PTPRD: variants seen among roughly 807,000 people sequenced by gnomAD.
The protein encoded by PTPRD is protein tyrosine phosphatase receptor type D.
Under a neutral mutation model 214.5 loss-of-function variants are expected in PTPRD, and 34 were observed. The observed-to-expected ratio is 0.16, with a 90% CI of 0.12 to 0.21. PTPRD has a LOEUF of 0.21. Among genes scored for constraint, PTPRD ranks in the 10% least tolerant of loss-of-function variants. The pLI is 1.00. For missense variants in PTPRD, 2,545 were observed against 2,398.7 expected (o/e 1.06, Z -1.27); for synonymous variants, 1,128 against 845.7 (o/e 1.33, Z -5.79).
intron 11 of PTPRD, among the ~76,000 whole-genome samples, chr9:8,864,592 G>C (rs1372559548): frequency 6.6e-6 from 1 of 152,202 alleles, no homozygotes; most frequent in Non-Finnish European, 1.5e-5. Context: ...CAGGGTTTCA[G>C]AGGATGGTTT....
intron 10 of PTPRD, among the ~76,000 whole-genome samples, chr9:9,041,804 G>A (rs1385425989): frequency 6.6e-6 from 1 of 152,140 alleles, no homozygotes; most frequent in East Asian, 1.9e-4. Flanking sequence ...CGAGCTGGAA[G>A]GAACAACTAG....
At chr9:9,526,238 T>C (rs895760016) in intron 8 of PTPRD, among the ~76,000 whole-genome samples, 2 of 152,210 alleles carry the variant, frequency 1.3e-5, no homozygotes, top group African/African-American at 4.8e-5. Context: ...GTATGCAGCC[T>C]ACTGATGATG....
chr9:8,794,047 T>C (rs1202664102), intron 11 of PTPRD, among the ~76,000 whole-genome samples: 1 of 152,224 alleles, frequency 6.6e-6, no homozygotes, highest in Non-Finnish European at 1.5e-5. Context: ...ACTGCAGTTG[T>C]CACATTATCA....
intron 30 of PTPRD, among the ~76,000 whole-genome samples, chr9:8,476,105 G>C (rs1000918440): frequency 6.6e-5 from 10 of 152,118 alleles, no homozygotes; most frequent in Admixed American, 6.5e-4. Context: ...ATTTACCCTA[G>C]TCCAGTGGTT....
intron 9 of PTPRD, among the ~76,000 whole-genome samples, chr9:9,324,050 T>G (rs1301703524): frequency 6.6e-6 from 1 of 152,202 alleles, no homozygotes; most frequent in Non-Finnish European, 1.5e-5. Context: ...TAGTATTCCA[T>G]GTAGTATATG....
intron 39 of PTPRD, among the ~76,000 whole-genome samples, chr9:8,356,641 T>C (rs958085125): frequency 1.3e-5 from 2 of 152,230 alleles, no homozygotes; most frequent in Non-Finnish European, 2.9e-5. Flanking sequence ...TCTAGATTCC[T>C]TTCTTTGGTA....
intron 8 of PTPRD, among the ~76,000 whole-genome samples, chr9:9,571,618 G>A (rs982318464): frequency 1.3e-5 from 2 of 150,740 alleles, no homozygotes; most frequent in Non-Finnish European, 3.0e-5. Context: ...ATTCATTTAG[G>A]CTTAAAGTAA....
intron 12 of PTPRD, among the ~76,000 whole-genome samples, chr9:8,686,993 G>A (rs2097693490): frequency 6.6e-6 from 1 of 152,168 alleles, no homozygotes; most frequent in Admixed American, 6.5e-5. Context: ...AGAAGAGCCT[G>A]TGTAACATTG....
intron 8 of PTPRD, among the ~76,000 whole-genome samples, chr9:9,525,692 A>G (rs533897211): frequency 6.6e-6 from 1 of 152,262 alleles, no homozygotes; most frequent in East Asian, 1.9e-4. Flanking sequence ...TTCTATAGTA[A>G]ATAATAAAAA....
At chr9:9,333,288 A>C (rs2043024024) in intron 9 of PTPRD, among the ~76,000 whole-genome samples, 2 of 151,672 alleles carry the variant, frequency 1.3e-5, no homozygotes, top group African/African-American at 4.8e-5. Context: ...AGAAAGGCAG[A>C]AAGAAGGCAC....
intron 11 of PTPRD, among the ~76,000 whole-genome samples, chr9:8,778,290 G>C (rs2154492164): frequency 6.6e-6 from 1 of 152,284 alleles, no homozygotes; most frequent in East Asian, 1.9e-4. Flanking sequence ...CTTAAAACTT[G>C]AGATAATTGC....
intron 2 of PTPRD, among the ~76,000 whole-genome samples, chr9:10,422,654 A>T (rs1319930710): frequency 6.6e-6 from 1 of 152,104 alleles, no homozygotes; most frequent in African/African-American, 2.4e-5. Flanking sequence ...GGATATGAAC[A>T]CACACTTCTG....
intron 9 of PTPRD, among the ~76,000 whole-genome samples, chr9:9,311,676 C>G (rs1959049084): frequency 6.6e-6 from 1 of 152,166 alleles, no homozygotes; most frequent in Admixed American, 6.6e-5. Context: ...TCCTCTCTGA[C>G]AACCAAATCG....
chr9:9,727,246 T>A (rs1297756871), intron 7 of PTPRD, among the ~76,000 whole-genome samples: 1 of 152,066 alleles, frequency 6.6e-6, no homozygotes, highest in Non-Finnish European at 1.5e-5. Context: ...GTCCAGGAAT[T>A]CAAGACCAGC....
At position 8,341,997 on chromosome 9, in the gene PTPRD, A is replaced by T. The variant is rs747615819; in HGVS notation, c.4662-19T>A. 6.4e-7 allele frequency: 1 copy of T among 1,572,138 alleles called. No individual in the cohort carries two copies. The highest frequency in any genetic ancestry group is 8.6e-7 in the Non-Finnish European group (1 of 1,164,020). On this transcript the variant is annotated intron_variant, in intron 39 of 45. Coordinates refer to ENST00000381196, the MANE Select transcript of PTPRD (RefSeq NM_002839.4). ...TCCCGCACTATGAGGAAAATAGAGA[A>T]GAAAAGCCCAAATAAACCTATCAGA...
intron 8 of PTPRD, among the ~76,000 whole-genome samples, chr9:9,511,281 G>T (rs1460472927): frequency 1.3e-5 from 2 of 151,626 alleles, no homozygotes; most frequent in African/African-American, 4.8e-5. Context: ...CACTAAACAG[G>T]TATTGACAAA....
At chr9:9,198,631 G>C (rs185802232) in intron 9 of PTPRD, among the ~76,000 whole-genome samples, 3 of 152,082 alleles carry the variant, frequency 2.0e-5, no homozygotes, top group African/African-American at 7.2e-5. Context: ...CTGGATTACC[G>C]AGGAACATCA....
rs34103777 is a variant in PTPRD, at chr9:9,376,051, G to T, written c.-203+21398C>A. 3.4e-3 allele frequency among the ~76,000 whole-genome samples: 510 copies of T among 151,462 alleles called. 1 individual carries two copies. Among genetic ancestry groups the T allele is most frequent in the Non-Finnish European group, 5.7e-3 (386 of 67,946 alleles). Reference sequence around the variant, plus strand: ...TTAAGACATTTTCATAATATAAAGCGCAAGAAAATGAGAACTTGCTCATCA... The same window carrying T: ...TTAAGACATTTTCATAATATAAAGCTCAAGAAAATGAGAACTTGCTCATCA... On this transcript the variant is annotated intron_variant, in intron 9 of 45. Coordinates refer to ENST00000381196, the MANE Select transcript of PTPRD (RefSeq NM_002839.4).
intron 2 of PTPRD, among the ~76,000 whole-genome samples, chr9:10,581,845 T>A (rs893333261): frequency 6.6e-6 from 1 of 152,178 alleles, no homozygotes; most frequent in Admixed American, 6.5e-5. Flanking sequence ...ATGCTTTAAA[T>A]ACAGGTTCTT....
Sources: gnomAD v4.1 joint callset for allele counts (sites outside exome capture counted in the v4.1 genomes callset) on GRCh38, gnomAD v4.1.1 for gene constraint, MANE v1.5 for transcripts, NCBI Gene and HGNC (gene_info 2026-07-23, HGNC 2026-07-21) for gene names.